Variants in NTRK3 observed in about 807,000 individuals in gnomAD.
NTRK3 encodes neurotrophic receptor tyrosine kinase 3.
A neutral mutation model predicts 91.7 loss-of-function variants in NTRK3; 24 were observed. The observed-to-expected ratio is 0.26, with a 90% CI of 0.19 to 0.37. The LOEUF is 0.37. Ranked by LOEUF, NTRK3 falls within the 10% of genes least tolerant of loss-of-function variation. The probability of loss-of-function intolerance (pLI) is 1.00; values close to 1 mark genes in which losing one functional copy is unlikely to be tolerated. For missense variants in NTRK3, 880 were observed against 1,068.9 expected, an observed-to-expected ratio of 0.82 and a Z score of 2.46; for synonymous variants, 483 against 404.0, an observed-to-expected ratio of 1.20 and a Z score of -2.34.
rs868182643 is a variant in NTRK3, at chr15:88,012,753, A to G, written c.1585+20104T>C. ...TCAGATATTTTTGATCGGGGGAAAA[A>G]GGAAACTACACCAATATCTTATACT... On this transcript the variant is annotated intron_variant, in intron 14 of 18. Transcript: ENST00000394480. Among the ~76,000 whole-genome samples the G allele has an allele frequency of 1.6e-4, 25 of 152,332 alleles. No individual in the cohort carries two copies. In the Middle Eastern group the frequency reaches 0.01, roughly 62 times the overall value.
intron 13 of NTRK3, among the ~76,000 whole-genome samples, chr15:88,118,914 C>T (rs1253978931): frequency 6.6e-6 from 1 of 152,210 alleles, no homozygotes; most frequent in South Asian, 2.1e-4. Context: ...GAGATGCCAT[C>T]ACTTCGGCTA....
intron 14 of NTRK3, among the ~76,000 whole-genome samples, chr15:87,952,762 G>GC (rs1250163300): frequency 7.9e-5 from 12 of 152,132 alleles, no homozygotes. Flanking sequence ...GAGAGGTCAC[G>GC]CTGGGCCCCT....
chr15:88,087,222 G>C (rs906623385), intron 13 of NTRK3, among the ~76,000 whole-genome samples: 8 of 152,242 alleles, frequency 5.3e-5, no homozygotes, highest in African/African-American at 1.7e-4. Context: ...AGTGAGAACA[G>C]TACTGCAGAG....
chr15:88,237,764 T>C lies in NTRK3; in HGVS notation c.248+18142A>G, dbSNP rs1243263956. On this transcript the variant is annotated intron_variant, in intron 3 of 18. Coordinates refer to ENST00000394480, the Ensembl canonical transcript of NTRK3. This position sits in a 1 kb window ranked among gnomAD's most constrained non-coding sequence, Gnocchi z 4.0. ...GCATTCGCAACAAGACACACCAAAA[T>C]AAAATGAGAAAAAAAAAATCAGCCT... Among the ~76,000 whole-genome samples the C allele has an allele frequency of 1.3e-5, 2 of 151,340 alleles. No individual in the cohort carries two copies. Among genetic ancestry groups the C allele is most frequent in the African/African-American group, 4.9e-5 (2 of 41,112 alleles).
At chr15:88,089,647 T>C (rs1395214487) in intron 13 of NTRK3, among the ~76,000 whole-genome samples, 2 of 152,126 alleles carry the variant, frequency 1.3e-5, no homozygotes, top group African/African-American at 4.8e-5. Flanking sequence ...AGAAAGATGC[T>C]CCCCTTGCAT....
chr15:88,150,706 A>G (rs2043292238), intron 5 of NTRK3, among the ~76,000 whole-genome samples: 1 of 152,186 alleles, frequency 6.6e-6, no homozygotes, highest in African/African-American at 2.4e-5. Flanking sequence ...GCAACTGTAC[A>G]CAATGCCCTG....
chr15:87,985,099 G>A (rs1038371851), intron 14 of NTRK3, among the ~76,000 whole-genome samples: 3 of 152,154 alleles, frequency 2.0e-5, no homozygotes, highest in Admixed American at 2.0e-4. Flanking sequence ...ATAAAGAAGT[G>A]GCTGGAAACC....
chr15:87,945,568 A>T (rs1012771093), intron 14 of NTRK3, among the ~76,000 whole-genome samples: 1 of 152,134 alleles, frequency 6.6e-6, no homozygotes, highest in African/African-American at 2.4e-5. Context: ...GTTATCCCTC[A>T]TCCTACCTCT....
intron 14 of NTRK3, among the ~76,000 whole-genome samples, chr15:87,964,361 ATTATATATGTTTAGT>A (rs2072595735): frequency 6.6e-6 from 1 of 150,952 alleles, no homozygotes; most frequent in East Asian, 1.9e-4. Context: ...GTTTACATAT[ATTATATATGTTTAGT>A]TTATATATTA....
At chr15:87,961,856 G>T (rs1283076140) in intron 14 of NTRK3, among the ~76,000 whole-genome samples, 4 of 152,266 alleles carry the variant, frequency 2.6e-5, no homozygotes, top group East Asian at 1.9e-4. Context: ...ATGAGCAGGT[G>T]CTCAGACTTC....
intron 13 of NTRK3, among the ~76,000 whole-genome samples, chr15:88,114,511 T>C (rs1037981286): frequency 6.6e-6 from 1 of 152,260 alleles, no homozygotes; most frequent in Non-Finnish European, 1.5e-5. Context: ...TCAATACATA[T>C]TGCTAAAATA....
At chr15:88,092,720 G>C (rs1419650606) in intron 13 of NTRK3, among the ~76,000 whole-genome samples, 1 of 152,212 alleles carries the variant, frequency 6.6e-6, no homozygotes, top group Non-Finnish European at 1.5e-5. Context: ...GGTAGAGTCT[G>C]CTCCTTGTCT....
chr15:88,041,378 C>T (rs1418919271), intron 13 of NTRK3, among the ~76,000 whole-genome samples: 2 of 152,220 alleles, frequency 1.3e-5, no homozygotes, highest in Non-Finnish European at 2.9e-5. Flanking sequence ...CTGTGGTAAG[C>T]ATGACTGCTA....
intron 13 of NTRK3, among the ~76,000 whole-genome samples, chr15:88,073,377 T>C (rs1338067636): frequency 1.3e-5 from 2 of 152,166 alleles, no homozygotes; most frequent in African/African-American, 2.4e-5. Context: ...CAGCATCACC[T>C]GGAAACTGGT....
At chr15:88,046,789 A>G (rs915175171) in intron 13 of NTRK3, among the ~76,000 whole-genome samples, 1 of 152,180 alleles carries the variant, frequency 6.6e-6, no homozygotes, top group Non-Finnish European at 1.5e-5. Flanking sequence ...TCCCTTTCAC[A>G]GACATGCCAT....
intron 14 of NTRK3, among the ~76,000 whole-genome samples, chr15:87,942,407 T>C (rs1490911154): frequency 6.6e-6 from 1 of 152,194 alleles, no homozygotes; most frequent in Admixed American, 6.5e-5. Flanking sequence ...TGGTATTTGT[T>C]GACCTTGGAG....
intron 5 of NTRK3, among the ~76,000 whole-genome samples, chr15:88,168,345 G>A (rs560250760): frequency 4.6e-5 from 7 of 152,138 alleles, no homozygotes; most frequent in Middle Eastern, 3.4e-3. Context: ...TGAGGGAGCC[G>A]GGGGAGAAGA....
intron 5 of NTRK3, among the ~76,000 whole-genome samples, chr15:88,150,899 C>T (rs1172457539): frequency 6.6e-6 from 1 of 152,170 alleles, no homozygotes; most frequent in Non-Finnish European, 1.5e-5. Context: ...AGTTGCCACC[C>T]ACTCGGAACT....
At chr15:88,148,314 C>G (rs1044681889) in intron 5 of NTRK3, among the ~76,000 whole-genome samples, 1 of 152,170 alleles carries the variant, frequency 6.6e-6, no homozygotes, top group Non-Finnish European at 1.5e-5. Flanking sequence ...GCTACACTGA[C>G]GAATGAGGGA....
Sources: allele counts gnomAD v4.1 joint callset (sites outside exome capture counted in the v4.1 genomes callset), GRCh38; gene constraint gnomAD v4.1.1; non-coding constraint Gnocchi (gnomAD v3.1); transcripts MANE v1.5; gene names NCBI Gene and HGNC (gene_info 2026-07-23, HGNC 2026-07-21).